Variants in TP63 observed in about 807,000 individuals in gnomAD.
TP63 encodes tumor protein 63.
A neutral mutation model predicts 82.8 loss-of-function variants in TP63; 17 were observed. The ratio of observed to expected loss-of-function variants is 0.21; its 90% CI spans 0.14 to 0.31. The LOEUF is 0.31. TP63 is among the 10% of genes least tolerant of loss of function. The pLI, the probability that TP63 is intolerant of heterozygous loss-of-function variation, is 1.00. For missense variants in TP63, 648 were observed against 895.3 expected, an observed-to-expected ratio of 0.72 and a Z score of 3.52; for synonymous variants, 330 against 321.7, an observed-to-expected ratio of 1.03 and a Z score of -0.28.
chr3:189,619,391 A>C, the TP63 span, among the ~76,000 whole-genome samples: 1 of 152,204 alleles, frequency 6.6e-6, no homozygotes, highest in Admixed American at 6.5e-5. Flanking sequence ...TATCAGGGGT[A>C]TCCACTTAAT....
intron 10 of TP63, among the ~76,000 whole-genome samples, chr3:189,875,109 A>G (rs1311451806): frequency 1.3e-5 from 2 of 151,898 alleles, no homozygotes; most frequent in Non-Finnish European, 2.9e-5. Flanking sequence ...GTCTTTTGCA[A>G]CTACTCAGCT....
chr3:189,783,350 T>C (rs13067983), intron 3 of TP63, among the ~76,000 whole-genome samples: 13 of 151,966 alleles, frequency 8.6e-5, no homozygotes, highest in Admixed American at 6.6e-5. Flanking sequence ...GTGTGTAATA[T>C]GTATCTCTGG....
At chr3:189,764,167 T>C (rs1722774149) in intron 3 of TP63, among the ~76,000 whole-genome samples, 1 of 152,170 alleles carries the variant, frequency 6.6e-6, no homozygotes, top group South Asian at 2.1e-4. Flanking sequence ...TCTTTGCAGA[T>C]AAGGCCCTAT....
chr3:189,716,128 A>G (rs1395471017), intron 1 of TP63, among the ~76,000 whole-genome samples: 2 of 152,252 alleles, frequency 1.3e-5, no homozygotes, highest in Non-Finnish European at 2.9e-5. Context: ...CAAGTCAAAC[A>G]TCTGTAATGT....
chr3:189,807,817 A>C (rs990761248), intron 3 of TP63, among the ~76,000 whole-genome samples: 6 of 152,338 alleles, frequency 3.9e-5, no homozygotes, highest in Admixed American at 3.3e-4. Context: ...TTTGCCCCCT[A>C]TGCAACAATT....
At chr3:189,763,441 G>T (rs1374527426) in intron 3 of TP63, among the ~76,000 whole-genome samples, 1 of 152,190 alleles carries the variant, frequency 6.6e-6, no homozygotes, top group Non-Finnish European at 1.5e-5. Context: ...TGGAGGCAAT[G>T]TGGAGAATGA....
intron 3 of TP63, among the ~76,000 whole-genome samples, chr3:189,805,990 A>G (rs1358188425): frequency 2.0e-5 from 3 of 146,694 alleles, no homozygotes; most frequent in East Asian, 2.0e-4. Flanking sequence ...CACCCTGGAC[A>G]TGGATCTCCT....
intron 1 of TP63, among the ~76,000 whole-genome samples, chr3:189,680,071 CTATTTGGGCTCTTTTGTGGTTTCAAA>C (rs1715779259): frequency 6.6e-6 from 1 of 151,986 alleles, no homozygotes; most frequent in African/African-American, 2.4e-5. Flanking sequence ...ATCACTTTGG[CTATTTGGGCTCTTTTGTGGTTTCAAA>C]TTAATTTTAT....
chr3:189,744,188 C>T (rs977695370), intron 3 of TP63, among the ~76,000 whole-genome samples: 1 of 152,022 alleles, frequency 6.6e-6, no homozygotes, highest in Non-Finnish European at 1.5e-5. Flanking sequence ...CACCCCCCAA[C>T]AGAGTAGCAG....
At chr3:189,816,519 C>T (rs937715353) in intron 4 of TP63, among the ~76,000 whole-genome samples, 4 of 152,016 alleles carry the variant, frequency 2.6e-5, no homozygotes, top group Non-Finnish European at 5.9e-5. Flanking sequence ...TGTCATATCG[C>T]GAGTAAAACC....
intron 1 of TP63, among the ~76,000 whole-genome samples, chr3:189,712,757 AAGAC>A (rs67215971): frequency 0.1 from 15,362 of 152,168 alleles, 843 homozygotes; most frequent in Non-Finnish European, 0.12. Flanking sequence ...TTCAGATTGA[AAGAC>A]AGAGTAGGCA....
At chr3:189,627,610 G>A (rs962232617), upstream of TP63, among the ~76,000 whole-genome samples, 6 of 152,132 alleles carry the variant, frequency 3.9e-5, no homozygotes, top group African/African-American at 1.4e-4. Flanking sequence ...TACCACATCA[G>A]ACGGTGCAAA....
chr3:189,616,022 T>G, the TP63 span, among the ~76,000 whole-genome samples: 1 of 152,302 alleles, frequency 6.6e-6, no homozygotes, highest in East Asian at 1.9e-4. Context: ...CAGTTAGATT[T>G]TGGTGTCTTC....
chr3:189,876,239 T>C (rs1003885940), intron 10 of TP63, among the ~76,000 whole-genome samples: 1 of 152,212 alleles, frequency 6.6e-6, no homozygotes, highest in Non-Finnish European at 1.5e-5. Context: ...ATCATTCAGT[T>C]CAGGGGCATA....
chr3:189,603,768 T>A, the TP63 span, among the ~76,000 whole-genome samples: 1 of 151,206 alleles, frequency 6.6e-6, no homozygotes, highest in East Asian at 2.0e-4. Context: ...AGTATTAAAC[T>A]ACTTTACTGT....
chr3:189,653,816 AG>A (rs1162663887), intron 1 of TP63, among the ~76,000 whole-genome samples: 1 of 152,230 alleles, frequency 6.6e-6, no homozygotes, highest in Non-Finnish European at 1.5e-5. Context: ...CTTATAATAA[AG>A]GTGCTTGTCT....
At chr3:189,621,547 A>T in the TP63 span, among the ~76,000 whole-genome samples, 2 of 150,926 alleles carry the variant, frequency 1.3e-5, no homozygotes, top group South Asian at 4.2e-4. Context: ...ACATATGAAT[A>T]TAAGTAAATA....
At chr3:189,654,373 A>G (rs1713146500) in intron 1 of TP63, among the ~76,000 whole-genome samples, 1 of 152,140 alleles carries the variant, frequency 6.6e-6, no homozygotes, top group South Asian at 2.1e-4. Context: ...TCCACAGGCT[A>G]TAGGACAAGA....
At chr3:189,788,937 T>TAA (rs34829028) in intron 3 of TP63, among the ~76,000 whole-genome samples, 205 of 143,104 alleles carry the variant, frequency 1.4e-3, no homozygotes, top group African/African-American at 4.9e-3. Context: ...AGCGTTTTGT[T>TAA]AAAAAAAAAA....
Sources: allele counts gnomAD v4.1 joint callset (sites outside exome capture counted in the v4.1 genomes callset), GRCh38; gene constraint gnomAD v4.1.1; transcripts MANE v1.5; gene names NCBI Gene and HGNC (gene_info 2026-07-23, HGNC 2026-07-21).